NFATC3: variants seen among roughly 807,000 people sequenced by gnomAD.
NFATC3 encodes the protein nuclear factor of activated T cells 3, also known as nuclear factor of activated T-cells, cytoplasmic 3.
A neutral mutation model predicts 98.6 loss-of-function variants in NFATC3; 46 were observed. The observed-to-expected ratio is 0.47, with a 90% confidence interval of 0.37 to 0.60. The LOEUF is 0.60. Ranked by LOEUF, NFATC3 falls within the 20% of genes least tolerant of loss-of-function variation. The pLI, the probability that NFATC3 is intolerant of heterozygous loss-of-function variation, is 0.00. For missense variants in NFATC3, 1,256 were observed against 1,295.5 expected (o/e 0.97, Z 0.47); for synonymous variants, 512 against 472.2 (o/e 1.08, Z -1.09).
chr16:68,222,448 T>C (rs1470645754), intron 9 of NFATC3, among the ~76,000 whole-genome samples: 1 of 152,128 alleles, frequency 6.6e-6, no homozygotes, highest in East Asian at 1.9e-4. Flanking sequence ...AAAGTGTTTT[T>C]CATAGCAGCC....
At chr16:68,211,139 GTTTCC>G (rs1001739055) in intron 9 of NFATC3, among the ~76,000 whole-genome samples, 4 of 151,920 alleles carry the variant, frequency 2.6e-5, no homozygotes, top group African/African-American at 9.7e-5. Flanking sequence ...GTTAGGAAGT[GTTTCC>G]TTTTCTTTAA....
intron 3 of NFATC3, chr16:68,138,704 G>C (rs778822141): frequency 1.6e-6 from 2 of 1,288,228 alleles, no homozygotes; most frequent in Non-Finnish European, 2.0e-6. Context: ...AGAAGTACTG[G>C]GAAAAGTAGT....
chr16:68,124,169 A>G (rs1369577974), intron 2 of NFATC3, among the ~76,000 whole-genome samples: 2 of 151,882 alleles, frequency 1.3e-5, no homozygotes, highest in Admixed American at 6.6e-5. Flanking sequence ...TGGGGTAATC[A>G]TAGCTCACTG....
chr16:68,146,779 T>G (rs2151552006), intron 3 of NFATC3, among the ~76,000 whole-genome samples: 1 of 152,332 alleles, frequency 6.6e-6, no homozygotes, highest in Non-Finnish European at 1.5e-5. Context: ...ACCTTTGCTA[T>G]GGAAACGATA....
intron 3 of NFATC3, among the ~76,000 whole-genome samples, chr16:68,127,565 A>G (rs909509043): frequency 1.3e-5 from 2 of 151,958 alleles, no homozygotes; most frequent in South Asian, 2.1e-4. Flanking sequence ...GTGTGTGCCT[A>G]TAGTCCCAGC....
intron 3 of NFATC3, among the ~76,000 whole-genome samples, chr16:68,156,643 T>G (rs2038631652): frequency 6.6e-6 from 1 of 152,024 alleles, no homozygotes; most frequent in South Asian, 2.1e-4. Context: ...TTTCATGATT[T>G]AAAAAAAGCA....
chr16:68,210,759 A>G (rs2041351568), intron 9 of NFATC3, among the ~76,000 whole-genome samples: 1 of 152,082 alleles, frequency 6.6e-6, no homozygotes. Context: ...ATCTATATTC[A>G]TAAAGAATAT....
At chr16:68,212,477 A>G (rs1016827756) in intron 9 of NFATC3, 2 of 152,140 alleles carry the variant, frequency 1.3e-5, no homozygotes, top group Non-Finnish European at 2.9e-5. Flanking sequence ...AGGCAAAAAG[A>G]TGAGAGTTGT....
rs780468275 is a variant in NFATC3 at position 68,174,490 on chromosome 16, A to G, written c.1891A>G (p.Ile631Val). The G allele has an allele frequency of 2.5e-6, 4 of 1,601,746 alleles. No homozygotes were observed. The highest frequency in any genetic ancestry group is 3.4e-6 in the Non-Finnish European group (4 of 1,175,222). Residue 631 changes from isoleucine (I) to valine (V), a missense_variant, in exon 6 of 10, where the codon ATC (isoleucine) becomes GTC (valine). Around this residue, in one of 3 missense-constraint regions of NFATC3, gnomAD observed 636 missense variants for 617.3 expected, o/e 1.03. Transcript: ENST00000346183. ...TGSNFLPESK[I>V]IFLEKGQDGR... ...ATCTAATTTTCTTCCAGAATCCAAA[A>G]TCATTTTTCTTGAAAAAGGACAAGG...
At chr16:68,184,004 C>CAAAAAA (rs34341175) in intron 8 of NFATC3, among the ~76,000 whole-genome samples, 93 of 61,574 alleles carry the variant, frequency 1.5e-3, no homozygotes, top group Middle Eastern at 9.1e-3. Flanking sequence ...AACTCCGTCA[C>CAAAAAA]AAAAAAAAAA....
At chr16:68,136,561 G>T (rs974597199) in intron 3 of NFATC3, among the ~76,000 whole-genome samples, 1 of 152,138 alleles carries the variant, frequency 6.6e-6, no homozygotes, top group Non-Finnish European at 1.5e-5. Flanking sequence ...GAGCCACCAC[G>T]CCTGGCCTCA....
chr16:68,134,268 C>T (rs2037271384), intron 3 of NFATC3, among the ~76,000 whole-genome samples: 1 of 152,186 alleles, frequency 6.6e-6, no homozygotes, highest in South Asian at 2.1e-4. Context: ...CTCAAGCGAT[C>T]TTCCCACCTT....
chr16:68,136,218 CT>C (rs1362904916), intron 3 of NFATC3, among the ~76,000 whole-genome samples: 1 of 152,048 alleles, frequency 6.6e-6, no homozygotes, highest in African/African-American at 2.4e-5. Context: ...TAATAATTTA[CT>C]TTTTGTAGTG....
Position 68,108,316 on chromosome 16 carries a change from C to T in NFATC3, c.104-13671C>T, listed in dbSNP as rs143367932. Among the ~76,000 whole-genome samples, 36 of 152,286 alleles carry T rather than the reference C, an allele frequency of 2.4e-4. No homozygotes were observed. The East Asian group carries it at 6.0e-3, about 25-fold the overall frequency. ...ATATGGCTAGCCAGTTCTCCCAATA[C>T]TACTTATTAAATAGAGAATCCTTTC... On this transcript the variant is annotated intron_variant, in intron 1 of 9. Transcript: ENST00000346183.
chr16:68,161,826 A>G (rs1469894926), intron 4 of NFATC3, among the ~76,000 whole-genome samples: 1 of 152,254 alleles, frequency 6.6e-6, no homozygotes, highest in Non-Finnish European at 1.5e-5. Context: ...AATAAATAGA[A>G]AAGAGTATAT....
At chr16:68,159,942 GT>G (rs2038809861) in intron 4 of NFATC3, among the ~76,000 whole-genome samples, 1 of 151,862 alleles carries the variant, frequency 6.6e-6, no homozygotes, top group Non-Finnish European at 1.5e-5. Context: ...CCTGGGTGTG[GT>G]GGCGGGTGTC....
At chr16:68,151,785 T>C (rs971842212) in intron 3 of NFATC3, among the ~76,000 whole-genome samples, 1 of 152,140 alleles carries the variant, frequency 6.6e-6, no homozygotes. Flanking sequence ...AATACCATTC[T>C]AAGTCGGGCA....
chr16:68,090,402 G>T (rs2034650316), intron 1 of NFATC3, among the ~76,000 whole-genome samples: 1 of 147,524 alleles, frequency 6.8e-6, no homozygotes. Flanking sequence ...TTCTCCACAT[G>T]CTAAATTAAA....
chr16:68,214,530 A>T, intron 9 of NFATC3: 1 of 972,830 alleles, frequency 1.0e-6, no homozygotes, highest in Non-Finnish European at 1.6e-6. Flanking sequence ...GGGGGTATGC[A>T]CGGGCATTTT....
Sources: gnomAD v4.1 joint callset for allele counts (sites outside exome capture counted in the v4.1 genomes callset) on GRCh38, gnomAD v4.1.1 for gene constraint, gnomAD v4.1.1 regional missense constraint, MANE v1.5 for transcripts, NCBI Gene and HGNC (gene_info 2026-07-23, HGNC 2026-07-21) for gene names.